SHISA6: variants seen among roughly 807,000 people sequenced by gnomAD.
SHISA6 encodes protein shisa-6.
Under a neutral mutation model 47.9 loss-of-function variants are expected in SHISA6, and 22 were observed. That is an observed-to-expected ratio of 0.46 (90% CI 0.33 to 0.66). The LOEUF (loss-of-function observed/expected upper bound fraction) is 0.66. SHISA6 is among the 30% of genes least tolerant of loss of function. The pLI, the probability that SHISA6 is intolerant of heterozygous loss-of-function variation, is 0.02. For synonymous variants in SHISA6, 388 were observed against 337.8 expected (o/e 1.15, Z -1.63); for missense variants, 680 against 764.6 (o/e 0.89, Z 1.30).
chr17:11,416,291 G>A (rs1914278602), intron 3 of SHISA6, among the ~76,000 whole-genome samples: 2 of 152,168 alleles, frequency 1.3e-5, no homozygotes, highest in Admixed American at 1.3e-4. Flanking sequence ...AACATTTAAA[G>A]TATATTTGTT....
chr17:11,468,842 G>A (rs1269041776), intron 3 of SHISA6, among the ~76,000 whole-genome samples: 3 of 151,788 alleles, frequency 2.0e-5, no homozygotes, highest in Non-Finnish European at 4.4e-5. Context: ...CCAACATGGT[G>A]TAACCCCATT....
chr17:11,249,002 G>C (rs1046495047), intron 1 of SHISA6, among the ~76,000 whole-genome samples: 2 of 152,084 alleles, frequency 1.3e-5, no homozygotes, highest in East Asian at 1.9e-4. Context: ...AGCCGGGCTT[G>C]GTGGCGGCGC....
chr17:11,263,654 G>C, intron 2 of SHISA6, 128 bp downstream of exon 2: 5 of 1,228,516 alleles, frequency 4.1e-6, no homozygotes, highest in Non-Finnish European at 5.6e-6. Context: ...CAGGCAGGCT[G>C]GCAAAAGATT....
At chr17:11,246,924 G>A (rs764715582) in intron 1 of SHISA6, among the ~76,000 whole-genome samples, 4 of 152,136 alleles carry the variant, frequency 2.6e-5, no homozygotes, top group Non-Finnish European at 4.4e-5. Context: ...TGGTCACATT[G>A]CTCACTGTCT....
chr17:11,412,465 C>G (rs1914147536), intron 3 of SHISA6, among the ~76,000 whole-genome samples: 2 of 152,014 alleles, frequency 1.3e-5, no homozygotes, highest in Middle Eastern at 3.2e-3. Flanking sequence ...CATGTTAAAA[C>G]CAACCAAGAT....
At chr17:11,529,052 A>G (rs4791469) in intron 3 of SHISA6, among the ~76,000 whole-genome samples, 147,737 of 151,582 alleles carry the variant, frequency 0.97, 72,009 homozygotes, top group East Asian at 1. Flanking sequence ...AATTAGCCGG[A>G]CATGGTGGTG....
intron 1 of SHISA6, among the ~76,000 whole-genome samples, chr17:11,263,117 A>C (rs1597428293): frequency 1.3e-5 from 2 of 152,148 alleles, no homozygotes; most frequent in African/African-American, 4.8e-5. Flanking sequence ...GAGTTTACTG[A>C]TGTGAAATAA....
At chr17:11,409,502 C>A (rs2191084) in intron 3 of SHISA6, among the ~76,000 whole-genome samples, 10 of 151,684 alleles carry the variant, frequency 6.6e-5, no homozygotes, top group African/African-American at 2.4e-4. Flanking sequence ...TCAGGAGTTC[C>A]AGACCAGCCT....
At chr17:11,449,885 C>T (rs1304948744) in intron 3 of SHISA6, among the ~76,000 whole-genome samples, 1 of 152,124 alleles carries the variant, frequency 6.6e-6, no homozygotes, top group Non-Finnish European at 1.5e-5. Context: ...CTATGAATCT[C>T]TTCTTTTTCT....
chr17:11,548,386 A>C (rs1433022872), intron 3 of SHISA6, among the ~76,000 whole-genome samples: 1 of 152,124 alleles, frequency 6.6e-6, no homozygotes, highest in East Asian at 1.9e-4. Flanking sequence ...CTTAATACAA[A>C]AGCTTGACAG....
intron 3 of SHISA6, among the ~76,000 whole-genome samples, chr17:11,496,282 A>G (rs1293074645): frequency 1.3e-5 from 2 of 151,962 alleles, no homozygotes; most frequent in Non-Finnish European, 2.9e-5. Context: ...CTTCTTTAAC[A>G]CCCTTCCATC....
chr17:11,379,171 G>A lies in SHISA6; in HGVS notation c.800-243G>A, dbSNP rs185958494. On this transcript the variant is annotated intron_variant, in intron 2 of 5. Transcript: ENST00000441885. ...TATACTAATATATACACACATATAT[G>A]TATAATATGTATATATAATTATATA... Among the ~76,000 whole-genome samples, 556 of 146,600 alleles carry A rather than the reference G, an allele frequency of 3.8e-3. 2 individuals are homozygous for A. The highest frequency in any genetic ancestry group is 0.013 in the African/African-American group (524 of 40,112).
intron 3 of SHISA6, among the ~76,000 whole-genome samples, chr17:11,485,775 T>A (rs2969194): frequency 0.36 from 54,916 of 151,078 alleles, 10,918 homozygotes; most frequent in African/African-American, 0.53. Context: ...TTTTTTTTTT[T>A]AAATCACTCC....
chr17:11,401,130 G>A (rs1371927114), intron 3 of SHISA6, among the ~76,000 whole-genome samples: 1 of 152,172 alleles, frequency 6.6e-6, no homozygotes, highest in Non-Finnish European at 1.5e-5. Flanking sequence ...CCTAATACTT[G>A]TTTACATTAT....
chr17:11,263,310 C>T, intron 1 of SHISA6, 56 bp from the exon 2 acceptor site: 1 of 1,534,006 alleles, frequency 6.5e-7, no homozygotes, highest in Non-Finnish European at 8.8e-7. Context: ...CAACTCCCCT[C>T]ATGGTTGTGC....
intron 2 of SHISA6, among the ~76,000 whole-genome samples, chr17:11,322,419 A>T (rs958491844): frequency 6.6e-6 from 1 of 152,150 alleles, no homozygotes; most frequent in Non-Finnish European, 1.5e-5. Flanking sequence ...CTGGTGATAA[A>T]TTCTCTTAAC....
chr17:11,338,038 A>T (rs1911383658), intron 2 of SHISA6, among the ~76,000 whole-genome samples: 1 of 152,160 alleles, frequency 6.6e-6, no homozygotes, highest in Admixed American at 6.5e-5. Context: ...TAGCCCAAGA[A>T]GTGATTGAGG....
intron 2 of SHISA6, among the ~76,000 whole-genome samples, chr17:11,314,930 C>T (rs560471087): frequency 5.3e-5 from 8 of 152,210 alleles, no homozygotes; most frequent in African/African-American, 1.9e-4. Context: ...CAAAATATTA[C>T]TGGTTGTTCA....
intron 2 of SHISA6, among the ~76,000 whole-genome samples, chr17:11,279,183 G>T (rs1161204053): frequency 6.6e-6 from 1 of 152,122 alleles, no homozygotes; most frequent in African/African-American, 2.4e-5. Flanking sequence ...TCTTCCTCGG[G>T]CCACAACTTC....
Sources: allele counts gnomAD v4.1 joint callset (sites outside exome capture counted in the v4.1 genomes callset), GRCh38; gene constraint gnomAD v4.1.1; transcripts MANE v1.5; gene names NCBI Gene and HGNC (gene_info 2026-07-23, HGNC 2026-07-21).